The following NPY2R variants were observed in gnomAD, a reference collection of about 807,000 sequenced individuals.
NPY2R encodes the protein neuropeptide Y receptor Y2, also known as neuropeptide Y receptor type 2.
In NPY2R, 17 loss-of-function variants were observed where a neutral mutation model predicts 22.3. The observed-to-expected ratio is 0.76, with a 90% confidence interval of 0.52 to 1.14. NPY2R has a LOEUF of 1.14. Among genes scored for constraint, NPY2R ranks in the 50% most tolerant of loss-of-function variants. NPY2R has a pLI of 0.00. For missense variants in NPY2R, 424 were observed against 467.9 expected, an observed-to-expected ratio of 0.91 and a Z score of 0.87; for synonymous variants, 209 against 183.4, an observed-to-expected ratio of 1.14 and a Z score of -1.13.
At chr4:155,179,055 G>A in the NPY2R span, among the ~76,000 whole-genome samples, 1 of 151,924 alleles carries the variant, frequency 6.6e-6, no homozygotes, top group Non-Finnish European at 1.5e-5. Flanking sequence ...ATTTCATTTA[G>A]TGATATTTTT....
chr4:155,174,569 G>T, the NPY2R span, among the ~76,000 whole-genome samples: 3 of 149,784 alleles, frequency 2.0e-5, no homozygotes, highest in African/African-American at 4.9e-5. Context: ...CCTAAGAAGA[G>T]AACTTTTACT....
chr4:155,214,277 TG>T lies in NPY2R; in HGVS notation c.343del (p.Glu115SerfsTer27), dbSNP rs779335879. ...CLPFTLTYTL[M>X]GEWKMGPVLC... ...CCGTTCACTCTTACCTATACCTTAATGGGGGAGTGGAAAATGGGTCCTGTCC... is the reference window on the plus strand; with the variant it reads ...CCGTTCACTCTTACCTATACCTTAATGGGGAGTGGAAAATGGGTCCTGTCC... On this transcript the variant is annotated frameshift_variant, in exon 2 of 2. Transcript: ENST00000329476. LOFTEE classifies it high-confidence loss of function. 1 of 1,614,066 alleles carries T rather than the reference TG, an allele frequency of 6.2e-7. No homozygotes were observed. The highest frequency in any genetic ancestry group is 1.1e-5 in the South Asian group (1 of 91,072).
At chr4:155,199,548 C>T in the NPY2R span, among the ~76,000 whole-genome samples, 2 of 151,930 alleles carry the variant, frequency 1.3e-5, no homozygotes, top group African/African-American at 4.8e-5. Context: ...AAAAAAGAGC[C>T]CATATAGCCA....
At chr4:155,206,447 A>C (rs1248204418), upstream of NPY2R, 1 of 152,238 alleles carries the variant, frequency 6.6e-6, no homozygotes. Context: ...ACTGTGATGC[A>C]CAAAAGTGTC....
the NPY2R span, among the ~76,000 whole-genome samples, chr4:155,176,231 TG>T: frequency 3.9e-4 from 60 of 152,298 alleles, no homozygotes; most frequent in Middle Eastern, 3.4e-3. Flanking sequence ...TTCTCTTGGC[TG>T]TAGCACCCTA....
the NPY2R span, among the ~76,000 whole-genome samples, chr4:155,190,020 A>T: frequency 6.6e-6 from 1 of 152,028 alleles, no homozygotes; most frequent in East Asian, 1.9e-4. Flanking sequence ...CACTGAATGT[A>T]CATCAGGGCT....
upstream of NPY2R, among the ~76,000 whole-genome samples, chr4:155,205,804 GCTATCTATCTATCTATCTATCTAT>G (rs3836609): frequency 6.8e-6 from 1 of 146,932 alleles, no homozygotes; most frequent in African/African-American, 2.5e-5. Flanking sequence ...GAGTCAGGCT[GCTATCTATCTATCTATCTATCTAT>G]CTATCTATCT....
At chr4:155,176,558 C>T in the NPY2R span, among the ~76,000 whole-genome samples, 1 of 152,240 alleles carries the variant, frequency 6.6e-6, no homozygotes, top group Non-Finnish European at 1.5e-5. Flanking sequence ...GGTTACCCTA[C>T]CTGATAGCCG....
chr4:155,209,577 G>A lies in NPY2R; in HGVS notation c.-49+508G>A, dbSNP rs185275946. Among the ~76,000 whole-genome samples, 244 of 152,310 alleles carry A rather than the reference G, an allele frequency of 1.6e-3. 4 individuals carry two copies. Among genetic ancestry groups the A allele is most frequent in the Non-Finnish European group, 3.5e-4 (24 of 68,026 alleles). ...TTCAGTGACATGAAATGGAGATGCT[G>A]TTTCCAAAGAAAGGCTTCCCACACC... On this transcript the variant is annotated intron_variant, in intron 1 of 1. Transcript: ENST00000329476.
At chr4:155,186,867 A>G in the NPY2R span, among the ~76,000 whole-genome samples, 1 of 152,188 alleles carries the variant, frequency 6.6e-6, no homozygotes, top group South Asian at 2.1e-4. Context: ...GACTGTATAA[A>G]CTTGGGTTCT....
At chr4:155,192,408 A>T in the NPY2R span, among the ~76,000 whole-genome samples, 1 of 151,900 alleles carries the variant, frequency 6.6e-6, no homozygotes, top group African/African-American at 2.4e-5. Context: ...TTGTGAAAAA[A>T]AAGGCCTAGT....
the NPY2R span, among the ~76,000 whole-genome samples, chr4:155,185,044 A>ATATATAT: frequency 1.4e-3 from 197 of 140,624 alleles, no homozygotes; most frequent in Middle Eastern, 7.5e-3. Context: ...ATATATATAT[A>ATATATAT]TTTTTTTTTT....
the NPY2R span, among the ~76,000 whole-genome samples, chr4:155,203,038 G>A: frequency 6.6e-6 from 1 of 152,090 alleles, no homozygotes; most frequent in South Asian, 2.1e-4. Flanking sequence ...TTTAGATTTG[G>A]TTCCTTACTA....
At chr4:155,175,678 A>T in the NPY2R span, among the ~76,000 whole-genome samples, 1 of 152,180 alleles carries the variant, frequency 6.6e-6, no homozygotes, top group South Asian at 2.1e-4. Context: ...AAATGACAAG[A>T]TACTAATCTA....
chr4:155,208,551 C>G (rs1384646706), upstream of NPY2R: 1 of 152,620 alleles, frequency 6.6e-6, no homozygotes, highest in African/African-American at 2.4e-5. This position sits in a 1 kb window ranked among gnomAD's most constrained non-coding sequence, Gnocchi z 5.6. Flanking sequence ...ACAGCAGCAG[C>G]TGCAGGTGGT....
At chr4:155,205,614 G>GA (rs1481626022), upstream of NPY2R, among the ~76,000 whole-genome samples, 1 of 152,102 alleles carries the variant, frequency 6.6e-6, no homozygotes, top group Non-Finnish European at 1.5e-5. Context: ...ACCAGAAATG[G>GA]AAAAGAAAAT....
At chr4:155,174,473 TATATATATA>T in the NPY2R span, among the ~76,000 whole-genome samples, 3 of 86,270 alleles carry the variant, frequency 3.5e-5, no homozygotes, top group African/African-American at 1.8e-4. Flanking sequence ...TATATATATA[TATATATATA>T]TATTTTTTTT....
chr4:155,198,261 T>TGG, the NPY2R span, among the ~76,000 whole-genome samples: 3 of 151,856 alleles, frequency 2.0e-5, no homozygotes. Context: ...ACCATGCACT[T>TGG]AGCATCATCT....
intron 1 of NPY2R, among the ~76,000 whole-genome samples, chr4:155,211,575 C>T (rs1225391965): frequency 6.6e-6 from 1 of 152,080 alleles, no homozygotes; most frequent in Non-Finnish European, 1.5e-5. Context: ...CCTGTGGGTG[C>T]AGATCCTTTG....
Sources: allele counts gnomAD v4.1 joint callset (sites outside exome capture counted in the v4.1 genomes callset), GRCh38; gene constraint gnomAD v4.1.1; non-coding constraint Gnocchi (gnomAD v3.1); transcripts MANE v1.5; gene names NCBI Gene and HGNC (gene_info 2026-07-23, HGNC 2026-07-21).